The following GABRB3 variants were observed in gnomAD, a reference collection of about 807,000 sequenced individuals.
The protein encoded by GABRB3 is gamma-aminobutyric acid receptor subunit beta-3.
In GABRB3, 14 loss-of-function variants were observed where a neutral mutation model predicts 52.1. The ratio of observed to expected loss-of-function variants is 0.27; its 90% CI spans 0.18 to 0.42. The LOEUF (loss-of-function observed/expected upper bound fraction) is 0.42, where lower values mean the gene tolerates loss of function less well. Ranked by LOEUF, GABRB3 falls within the 10% of genes least tolerant of loss-of-function variation. GABRB3 has a pLI of 1.00. For missense variants in GABRB3, 307 were observed against 609.1 expected (o/e 0.50, Z 5.22); for synonymous variants, 260 against 232.3 (o/e 1.12, Z -1.08).
chr15:26,686,554 T>C (rs1888413022), intron 3 of GABRB3, among the ~76,000 whole-genome samples: 1 of 152,200 alleles, frequency 6.6e-6, no homozygotes, highest in Non-Finnish European at 1.5e-5. Context: ...CTCAGAGACA[T>C]TTTGATGGTC....
At chr15:26,578,230 C>T (rs1890662580) in intron 6 of GABRB3, among the ~76,000 whole-genome samples, 1 of 152,228 alleles carries the variant, frequency 6.6e-6, no homozygotes, top group Admixed American at 6.5e-5. Flanking sequence ...CTTTAGAACA[C>T]TGCAACTTAT....
At chr15:26,573,802 C>T (rs1595451175) in intron 6 of GABRB3, among the ~76,000 whole-genome samples, 1 of 152,322 alleles carries the variant, frequency 6.6e-6, no homozygotes, top group South Asian at 2.1e-4. Context: ...GCAATCTCAG[C>T]ACTTTGGGAG....
chr15:26,720,696 T>C (rs1889620332), intron 3 of GABRB3, among the ~76,000 whole-genome samples: 1 of 152,154 alleles, frequency 6.6e-6, no homozygotes, highest in African/African-American at 2.4e-5. Context: ...TATACATGTA[T>C]AGGGCCTTCA....
chr15:26,627,619 T>C (rs1429383881), intron 3 of GABRB3, among the ~76,000 whole-genome samples: 1 of 152,020 alleles, frequency 6.6e-6, no homozygotes. Context: ...GTGGTGGGAA[T>C]AGCAACAGAA....
chr15:26,669,327 G>A (rs1887814949), intron 3 of GABRB3, among the ~76,000 whole-genome samples: 1 of 152,166 alleles, frequency 6.6e-6, no homozygotes, highest in Non-Finnish European at 1.5e-5. Flanking sequence ...TTCGCTAAGT[G>A]TGTGGCATCC....
intron 3 of GABRB3, among the ~76,000 whole-genome samples, chr15:26,732,184 G>C (rs1595556741): frequency 6.6e-6 from 1 of 151,432 alleles, no homozygotes; most frequent in African/African-American, 2.4e-5. Context: ...ATGGGTGGAT[G>C]AATGTATAGA....
At chr15:26,668,537 G>T (rs59634446) in intron 3 of GABRB3, among the ~76,000 whole-genome samples, 2 of 151,712 alleles carry the variant, frequency 1.3e-5, no homozygotes, top group Non-Finnish European at 2.9e-5. Flanking sequence ...TCATTTATGT[G>T]TTTTTTTCTG....
At chr15:26,670,853 T>G (rs1483576604) in intron 3 of GABRB3, among the ~76,000 whole-genome samples, 1 of 152,250 alleles carries the variant, frequency 6.6e-6, no homozygotes, top group Non-Finnish European at 1.5e-5. Flanking sequence ...TAAACATCCT[T>G]ATCACACAGC....
intron 3 of GABRB3, among the ~76,000 whole-genome samples, chr15:26,723,852 T>G (rs1889704280): frequency 6.6e-6 from 1 of 152,176 alleles, no homozygotes; most frequent in Non-Finnish European, 1.5e-5. Flanking sequence ...AAAGAAAAAC[T>G]TATCAGACAC....
At chr15:26,604,780 C>A (rs79360788) in intron 4 of GABRB3, among the ~76,000 whole-genome samples, 2,569 of 152,080 alleles carry the variant, frequency 0.017, 83 homozygotes, top group African/African-American at 0.059. Flanking sequence ...ATGGATTAAA[C>A]ACTTAAATAC....
chr15:26,732,288 GGATA>G (rs760443027), intron 3 of GABRB3, among the ~76,000 whole-genome samples: 17 of 142,216 alleles, frequency 1.2e-4, no homozygotes, highest in East Asian at 2.1e-4. Context: ...ATAGATGGAT[GGATA>G]GATGGATGGA....
intron 4 of GABRB3, among the ~76,000 whole-genome samples, chr15:26,586,916 CA>C (rs1891013718): frequency 1.3e-5 from 2 of 152,100 alleles, no homozygotes; most frequent in South Asian, 4.1e-4. Context: ...AGGTGATGAG[CA>C]AAGGGTAGAC....
intron 3 of GABRB3, among the ~76,000 whole-genome samples, chr15:26,720,170 C>A (rs562181601): frequency 5.3e-5 from 8 of 152,002 alleles, no homozygotes; most frequent in Non-Finnish European, 1.0e-4. Context: ...AACAACCCCC[C>A]TTTGACTGTA....
intron 8 of GABRB3, among the ~76,000 whole-genome samples, chr15:26,555,098 C>T (rs1028518937): frequency 1.6e-4 from 25 of 152,062 alleles, no homozygotes; most frequent in Non-Finnish European, 7.4e-5. Context: ...GCAGGAGAAT[C>T]GCTTAAACCC....
intron 3 of GABRB3, among the ~76,000 whole-genome samples, chr15:26,722,437 T>C (rs547381977): frequency 6.0e-4 from 91 of 152,266 alleles, no homozygotes; most frequent in South Asian, 1.5e-3. Flanking sequence ...CTTGGCGACA[T>C]AGGCACTCAG....
chr15:26,720,769 G>A (rs77923936), intron 3 of GABRB3, among the ~76,000 whole-genome samples: 2,932 of 152,280 alleles, frequency 0.019, 77 homozygotes, highest in East Asian at 0.097. Flanking sequence ...CCTCAAAAGG[G>A]AACCCGGAAT....
At chr15:26,594,438 A>C (rs1891321722) in intron 4 of GABRB3, among the ~76,000 whole-genome samples, 1 of 152,166 alleles carries the variant, frequency 6.6e-6, no homozygotes, top group Non-Finnish European at 1.5e-5. Flanking sequence ...TGTCAAGTTT[A>C]ATCAGTGAAG....
At chr15:26,708,046 G>T (rs772824970) in intron 3 of GABRB3, among the ~76,000 whole-genome samples, 2 of 152,136 alleles carry the variant, frequency 1.3e-5, no homozygotes, top group Non-Finnish European at 2.9e-5. Context: ...AAAAATTTCA[G>T]ATTTTGGAGC....
chr15:26,548,225 G>C lies in GABRB3; in HGVS notation c.1081-91C>G, dbSNP rs912458778. On this transcript the variant is annotated intron_variant, in intron 8 of 8. Transcript: ENST00000311550. ...ACAGAATGATGTCATGCCATCACAT[G>C]TTGCATGTTTTACGAGAAACTGTAC... is the stretch of plus-strand genomic sequence containing the variant. The C allele has an allele frequency of 2.6e-5, 26 of 1,004,584 alleles. No individual in the cohort carries two copies. The South Asian group carries it at 3.3e-4, about 13-fold the overall frequency. 62.2% of individuals were successfully genotyped at this position (1,004,584 alleles called of 1,614,324 possible).
Sources: allele counts gnomAD v4.1 joint callset (sites outside exome capture counted in the v4.1 genomes callset), GRCh38; gene constraint gnomAD v4.1.1; transcripts MANE v1.5; gene names NCBI Gene and HGNC (gene_info 2026-07-23, HGNC 2026-07-21).